Variants in CNTN4 observed in about 807,000 individuals in gnomAD.
The protein encoded by CNTN4 is contactin 4.
CNTN4 carries 77 observed loss-of-function variants against 122.5 expected under a neutral mutation model. The observed-to-expected ratio is 0.63, with a 90% CI of 0.52 to 0.76. The LOEUF is 0.76. CNTN4 is among the 30% of genes least tolerant of loss of function. The probability of loss-of-function intolerance (pLI) is 0.00; values close to 1 mark genes in which losing one functional copy is unlikely to be tolerated. For missense variants in CNTN4, 1,256 were observed against 1,259.1 expected (o/e 1.00, Z 0.04); for synonymous variants, 512 against 447.0 (o/e 1.15, Z -1.83).
At chr3:3,044,234 C>A (rs1700416886) in intron 23 of CNTN4, among the ~76,000 whole-genome samples, 2 of 152,270 alleles carry the variant, frequency 1.3e-5, no homozygotes, top group South Asian at 4.2e-4. Context: ...TGTCTGTAGC[C>A]TTCTTGCAGC....
intron 12 of CNTN4, among the ~76,000 whole-genome samples, chr3:2,920,767 T>A (rs1353309109): frequency 2.0e-5 from 3 of 151,818 alleles, no homozygotes; most frequent in Non-Finnish European, 4.4e-5. Context: ...TTATTTTATT[T>A]AATCCTCAAA....
chr3:2,826,379 G>A (rs1278296316), intron 7 of CNTN4, among the ~76,000 whole-genome samples: 1 of 152,120 alleles, frequency 6.6e-6, no homozygotes, highest in East Asian at 1.9e-4. Flanking sequence ...CCTCTCCAGG[G>A]TTCCATAAAT....
chr3:2,325,672 T>TA (rs2043429108), intron 2 of CNTN4, among the ~76,000 whole-genome samples: 1 of 152,314 alleles, frequency 6.6e-6, no homozygotes, highest in Admixed American at 6.5e-5. Context: ...ACAAGGAACT[T>TA]ACCAGCGGTC....
At chr3:2,646,333 A>G (rs2083117931) in intron 4 of CNTN4, among the ~76,000 whole-genome samples, 1 of 152,178 alleles carries the variant, frequency 6.6e-6, no homozygotes, top group East Asian at 1.9e-4. Context: ...GTTAGTGGCC[A>G]TTTTCATTAC....
intron 6 of CNTN4, among the ~76,000 whole-genome samples, chr3:2,781,639 C>T (rs1385870886): frequency 6.7e-6 from 1 of 150,034 alleles, no homozygotes; most frequent in African/African-American, 2.5e-5. Flanking sequence ...CAATCAAATA[C>T]ATTTAAGAAA....
chr3:2,942,303 T>A (rs1337337712), intron 13 of CNTN4, among the ~76,000 whole-genome samples: 1 of 152,182 alleles, frequency 6.6e-6, no homozygotes, highest in Non-Finnish European at 1.5e-5. Flanking sequence ...AAAATAAAAA[T>A]GGCAGCAATA....
intron 3 of CNTN4, among the ~76,000 whole-genome samples, chr3:2,544,193 G>A (rs1170984069): frequency 6.6e-6 from 1 of 152,114 alleles, no homozygotes; most frequent in Non-Finnish European, 1.5e-5. Flanking sequence ...ATGACAGCGA[G>A]TGGTGCCTTT....
Position 2,270,804 on chromosome 3 carries a change from C to G in CNTN4, c.-144-68374C>G, listed in dbSNP as rs1199438752. Among the ~76,000 whole-genome samples the G allele has an allele frequency of 3.3e-5, 5 of 152,058 alleles. No individual in the cohort carries two copies. In the South Asian group the frequency reaches 8.3e-4, roughly 25 times the overall value. On this transcript the variant is annotated intron_variant, in intron 2 of 24. Transcript: ENST00000418658. ...GAGAGGGGCAGGCCATGGCTTAGTT[C>G]CTTCTATTCCACTCATTTCTTACAG...
intron 3 of CNTN4, among the ~76,000 whole-genome samples, chr3:2,478,487 AC>A (rs10706735): frequency 0.39 from 58,695 of 151,308 alleles, 11,883 homozygotes; most frequent in East Asian, 0.58. Context: ...ACATAGGTAA[AC>A]ATGTGCCATG....
chr3:2,872,551 A>G (rs753864112), intron 8 of CNTN4, among the ~76,000 whole-genome samples: 45 of 152,110 alleles, frequency 3.0e-4, no homozygotes, highest in Non-Finnish European at 5.9e-5. Context: ...TCTGTCTGAT[A>G]GGTCCATGCA....
At chr3:2,993,078 T>C (rs1418421356) in intron 14 of CNTN4, among the ~76,000 whole-genome samples, 1 of 152,174 alleles carries the variant, frequency 6.6e-6, no homozygotes, top group African/African-American at 2.4e-5. Flanking sequence ...ACCTGTTTTA[T>C]ATACCCCAGG....
chr3:2,835,091 G>T (rs1435034046), intron 7 of CNTN4, among the ~76,000 whole-genome samples: 1 of 151,134 alleles, frequency 6.6e-6, no homozygotes, highest in Non-Finnish European at 1.5e-5. Flanking sequence ...ATTTTTAGTA[G>T]AGGCGGGGTT....
chr3:2,685,117 G>A (rs1053637400), intron 4 of CNTN4, among the ~76,000 whole-genome samples: 4 of 151,968 alleles, frequency 2.6e-5, no homozygotes, highest in African/African-American at 9.7e-5. Flanking sequence ...TCTTTTCCTT[G>A]TGTCTACATT....
intron 3 of CNTN4, among the ~76,000 whole-genome samples, chr3:2,467,401 A>G (rs77800911): frequency 0.012 from 1,815 of 152,228 alleles, 49 homozygotes; most frequent in African/African-American, 0.042. Flanking sequence ...TCTTCAACAT[A>G]TTTTTTGGTA....
intron 7 of CNTN4, among the ~76,000 whole-genome samples, chr3:2,827,578 G>T (rs1442240894): frequency 6.6e-6 from 1 of 152,164 alleles, no homozygotes; most frequent in African/African-American, 2.4e-5. Context: ...GATTTATATG[G>T]AATTTACATC....
intron 3 of CNTN4, among the ~76,000 whole-genome samples, chr3:2,366,332 C>T (rs1189795196): frequency 2.0e-5 from 3 of 152,062 alleles, no homozygotes; most frequent in Admixed American, 2.0e-4. Context: ...ATAAGTCATC[C>T]ACAAAATTTT....
At chr3:2,464,475 A>G (rs1462697748) in intron 3 of CNTN4, among the ~76,000 whole-genome samples, 2 of 152,234 alleles carry the variant, frequency 1.3e-5, no homozygotes, top group African/African-American at 4.8e-5. Flanking sequence ...AAGTAGGCAT[A>G]AAGGTATTGT....
chr3:2,898,009 G>C (rs2094133650), intron 10 of CNTN4, among the ~76,000 whole-genome samples: 1 of 152,010 alleles, frequency 6.6e-6, no homozygotes, highest in Admixed American at 6.6e-5. Context: ...CTTTGAACTA[G>C]GTAACCCCCC....
At chr3:2,501,132 G>C (rs2076582873) in intron 3 of CNTN4, among the ~76,000 whole-genome samples, 1 of 151,962 alleles carries the variant, frequency 6.6e-6, no homozygotes, top group African/African-American at 2.4e-5. Flanking sequence ...AGATTTTTTT[G>C]TTAACTGTGG....
Sources: gnomAD v4.1 joint callset for allele counts (sites outside exome capture counted in the v4.1 genomes callset) on GRCh38, gnomAD v4.1.1 for gene constraint, MANE v1.5 for transcripts, NCBI Gene and HGNC (gene_info 2026-07-23, HGNC 2026-07-21) for gene names.